Variants in TUBA8 observed in about 807,000 individuals in gnomAD.
The protein encoded by TUBA8 is tubulin alpha-8 chain.
In TUBA8, 29 loss-of-function variants were observed where a neutral mutation model predicts 34.7. The ratio of observed to expected loss-of-function variants is 0.84; its 90% CI spans 0.62 to 1.14. The LOEUF is 1.14. TUBA8 is among the 50% of genes most tolerant of loss of function. TUBA8 has a pLI of 0.00. For synonymous variants in TUBA8, 226 were observed against 231.2 expected, an observed-to-expected ratio of 0.98 and a Z score of 0.21; for missense variants, 541 against 599.2, an observed-to-expected ratio of 0.90 and a Z score of 1.01.
rs1264886136 is a variant in TUBA8, at chr22:18,131,203, G to A, written c.*67G>A. 6.5e-7 allele frequency: 1 copy of A among 1,537,724 alleles called. No homozygotes were observed. On this transcript the variant is annotated 3_prime_UTR_variant, in exon 5 of 5. Coordinates refer to ENST00000330423, the MANE Select transcript of TUBA8 (RefSeq NM_018943.3). The surrounding 1 kb of genome is among the most constrained non-coding windows in gnomAD (Gnocchi z 5.3). ...TGCCATTCAAAGCACATGTTCAAGAGAACAGAACACTCTCCCCGCCCCAGC... is the reference window on the plus strand; with the variant it reads ...TGCCATTCAAAGCACATGTTCAAGAAAACAGAACACTCTCCCCGCCCCAGC...
rs750623607 is a variant in TUBA8, at chr22:18,131,175, C to T, written c.*39C>T. The T allele has an allele frequency of 3.1e-6, 5 of 1,589,346 alleles. No individual in the cohort carries two copies. The South Asian group carries it at 4.4e-5, about 14-fold the overall frequency. Reference sequence around the variant, plus strand: ...CCTTGGCTGTGTCTCTTTATTTATGCTGTGCCATTCAAAGCACATGTTCAA... The same window carrying T: ...CCTTGGCTGTGTCTCTTTATTTATGTTGTGCCATTCAAAGCACATGTTCAA... On this transcript the variant is annotated 3_prime_UTR_variant, in exon 5 of 5. Transcript: ENST00000330423. This position sits in a 1 kb window ranked among gnomAD's most constrained non-coding sequence, Gnocchi z 5.3.
chr22:18,126,403 G>C lies in TUBA8; in HGVS notation c.425G>C (p.Gly142Ala), dbSNP rs200633622. 1.9e-6 allele frequency: 3 copies of C among 1,613,934 alleles called. No homozygotes were observed. The highest frequency in any genetic ancestry group is 2.5e-6 in the Non-Finnish European group (3 of 1,180,004). ...GGCTTCCTGATTTTCCACAGTTTTG[G>C]TGGGGGCACTGGCTCCGGCTTCACT... ...LQGFLIFHSF[G>A]GGTGSGFTSL... The change falls in exon 4 of 5, where the codon GGT (glycine) becomes GCT (alanine). Residue 142 changes from glycine to alanine, a missense_variant. Physicochemically the swap from Gly to Ala is moderately conservative, Grantham distance 60. Coordinates refer to ENST00000330423, the MANE Select transcript of TUBA8 (RefSeq NM_018943.3). This position sits in a 1 kb window ranked among gnomAD's most constrained non-coding sequence, Gnocchi z 4.0.
chr22:18,126,312 A>C lies in TUBA8; in HGVS notation c.376-42A>C. 1.2e-6 allele frequency: 2 copies of C among 1,605,452 alleles called. No individual in the cohort carries two copies. Among genetic ancestry groups the C allele is most frequent in the Non-Finnish European group, 1.7e-6 (2 of 1,172,374 alleles). On this transcript the variant is annotated intron_variant, in intron 3 of 4. Transcript: ENST00000330423. This position sits in a 1 kb window ranked among gnomAD's most constrained non-coding sequence, Gnocchi z 4.0. ...TTTTTTACTGTGGGGTGTTCTCGGA[A>C]ACTTGTCTTCATGATTTCTTCTCAT...
chr22:18,117,886 A>G (rs376162383), intron 1 of TUBA8: 7 of 151,370 alleles, frequency 4.6e-5, no homozygotes, highest in Admixed American at 2.0e-4. Context: ...TTTCTCTGAT[A>G]TCACTGAACT....
Position 18,126,931 on chromosome 22 carries a change from T to C in TUBA8, c.953T>C (p.Leu318Pro). 1 of 1,612,526 alleles carries C rather than the reference T, an allele frequency of 6.2e-7. No homozygotes were observed. The change falls in exon 4 of 5, where the codon CTC (leucine) becomes CCC (proline). Residue 318 changes from leucine to proline, a missense_variant. Leu to Pro is a moderately conservative substitution (Grantham distance 98). Transcript: ENST00000330423. This position sits in a 1 kb window ranked among gnomAD's most constrained non-coding sequence, Gnocchi z 4.0. ...GGCAAGTACATGGCCTGCTGCATGC[T>C]CTACCGGGGCGACGTGGTGCCCAAG... ...RHGKYMACCM[L>P]YRGDVVPKDV...
intron 2 of TUBA8, chr22:18,123,039 G>A (rs1435264597): frequency 2.1e-5 from 3 of 146,090 alleles, no homozygotes; most frequent in Non-Finnish European, 3.0e-5. Flanking sequence ...GAACCCGGGA[G>A]GCGGAGCTTG....
rs1928319415 is a variant in TUBA8 at position 18,126,396 on chromosome 22, A to C, written c.418A>C (p.Ser140Arg). ...CCTGCAGGGCTTCCTGATTTTCCAC[A>C]GTTTTGGTGGGGGCACTGGCTCCGG... ...SGLQGFLIFHSFGGGTGSGFT... is the reference protein window; with the variant it reads ...SGLQGFLIFHRFGGGTGSGFT... The change falls in exon 4 of 5, where the codon AGT (serine) becomes CGT (arginine). Residue 140 changes from serine to arginine, a missense_variant. Ser to Arg is a moderately radical substitution (Grantham distance 110). Coordinates refer to ENST00000330423, the MANE Select transcript of TUBA8 (RefSeq NM_018943.3). The surrounding 1 kb of genome is among the most constrained non-coding windows in gnomAD (Gnocchi z 4.0). 3 of 1,613,908 alleles carry C rather than the reference A, an allele frequency of 1.9e-6. No homozygotes were observed. Among genetic ancestry groups the C allele is most frequent in the Non-Finnish European group, 2.5e-6 (3 of 1,179,988 alleles).
chr22:18,117,855 C>T (rs768150263), intron 1 of TUBA8: 1 of 150,620 alleles, frequency 6.6e-6, no homozygotes, highest in Non-Finnish European at 1.5e-5. Flanking sequence ...TAGGATGTCT[C>T]ACCTTCTGGA....
intron 4 of TUBA8, chr22:18,127,385 G>A (rs1277600425): frequency 5.3e-6 from 1 of 188,552 alleles, no homozygotes; most frequent in Non-Finnish European, 1.1e-5. Context: ...TTTGCCTAAC[G>A]TTAGTTTTGT....
At chr22:18,128,361 C>T (rs1928402618) in intron 4 of TUBA8, 1 of 152,016 alleles carries the variant, frequency 6.6e-6, no homozygotes, top group African/African-American at 2.4e-5. Flanking sequence ...CCCTGGGGCC[C>T]CAGGACCAGG....
chr22:18,126,598 A>C lies in TUBA8; in HGVS notation c.620A>C (p.Glu207Ala). 1 of 1,614,108 alleles carries C rather than the reference A, an allele frequency of 6.2e-7. No homozygotes were observed. The highest frequency in any genetic ancestry group is 8.5e-7 in the Non-Finnish European group (1 of 1,180,016). Residue 207 changes from glutamate to alanine, a missense_variant, in exon 4 of 5, where the codon GAA becomes GCA. Physicochemically the swap from Glu to Ala is moderately radical, Grantham distance 107 (BLOSUM62 -1). Transcript: ENST00000330423. The surrounding 1 kb of genome is among the most constrained non-coding windows in gnomAD (Gnocchi z 4.0). Reference protein sequence around the residue: ...HSDCAFMVDNEAIYDICRRNL... With the variant: ...HSDCAFMVDNAAIYDICRRNL... ...GATTGTGCTTTCATGGTGGACAACGAAGCCATCTATGACATCTGCCGCAGG... is the reference window on the plus strand; with the variant it reads ...GATTGTGCTTTCATGGTGGACAACGCAGCCATCTATGACATCTGCCGCAGG...
In TUBA8 at chr22:18,131,415, C is replaced by G. The variant is rs1928511422; in HGVS notation, c.*279C>G. On this transcript the variant is annotated 3_prime_UTR_variant, in exon 5 of 5. Coordinates refer to ENST00000330423, the MANE Select transcript of TUBA8 (RefSeq NM_018943.3). The surrounding 1 kb of genome is among the most constrained non-coding windows in gnomAD (Gnocchi z 5.3). ...AGCCCAGTTTCACATGCGAGGAGGC[C>G]TAATCAGGAGTTTCAATTCCAGATC... 2.3e-6 allele frequency: 1 copy of G among 443,754 alleles called. No homozygotes were observed. The highest frequency in any genetic ancestry group is 4.5e-5 in the East Asian group (1 of 22,312). 27.5% of individuals were successfully genotyped at this position (443,754 alleles called of 1,614,324 possible).
rs755886374 is a variant in TUBA8 at position 18,121,652 on chromosome 22, G to A, written c.177G>A (p.Gly59=). 6.2e-7 allele frequency: 1 copy of A among 1,614,246 alleles called. No homozygotes were observed. The highest frequency in any genetic ancestry group is 1.7e-5 in the Admixed American group (1 of 60,032). ...CCTTTTTCAGCGAGACTGGCAATGGGAAGCATGTGCCCCGGGCCGTCATGA... is the reference window on the plus strand; with the variant it reads ...CCTTTTTCAGCGAGACTGGCAATGGAAAGCATGTGCCCCGGGCCGTCATGA... The part of the protein sequence containing the change: ...FTTFFSETGN[G]KHVPRAVMID... Residue 59 remains glycine (G), a synonymous_variant, in exon 2 of 5, where the codon GGG becomes GGA. Transcript: ENST00000330423. This position sits in a 1 kb window ranked among gnomAD's most constrained non-coding sequence, Gnocchi z 4.8.
Position 18,121,844 on chromosome 22 carries a change from A to C in TUBA8, c.226+143A>C. The C allele has an allele frequency of 1.3e-6, 1 of 748,970 alleles. No homozygotes were observed. Among genetic ancestry groups the C allele is most frequent in the Non-Finnish European group, 2.2e-6 (1 of 450,914 alleles). 46.4% of individuals were successfully genotyped at this position (748,970 alleles called of 1,614,324 possible). On this transcript the variant is annotated intron_variant, in intron 2 of 4. Transcript: ENST00000330423. This position sits in a 1 kb window ranked among gnomAD's most constrained non-coding sequence, Gnocchi z 4.8. ...CCTCCCACCCCACGTGACATCTGTC[A>C]GCTCCTTGGGGTCCCCACAGTCTCG...
In TUBA8 at chr22:18,126,126, C is replaced by G. The variant is rs966068771; in HGVS notation, c.376-228C>G. 5.3e-6 allele frequency: 3 copies of G among 564,690 alleles called. No individual in the cohort carries two copies. Among genetic ancestry groups the G allele is most frequent in the African/African-American group, 1.9e-5 (1 of 53,128 alleles). The allele number at this position is 564,690 out of a possible 1,614,324, so 35.0% of individuals were successfully genotyped here. A position where few individuals can be genotyped will look rare whatever the true frequency, so the allele number is the denominator to read the frequency against. ...GATCCTCCTGCCTCAGCTTCCCAAA[C>G]TGCTGGGATTACAGGCATTGAGTCA... is the stretch of plus-strand genomic sequence containing the variant. On this transcript the variant is annotated intron_variant, in intron 3 of 4. Transcript: ENST00000330423. The surrounding 1 kb of genome is among the most constrained non-coding windows in gnomAD (Gnocchi z 4.0).
chr22:18,121,458 G>T lies in TUBA8; in HGVS notation c.4-21G>T, dbSNP rs775496606. 6.2e-6 allele frequency: 10 copies of T among 1,610,252 alleles called. No homozygotes were observed. Among genetic ancestry groups the T allele is most frequent in the South Asian group, 5.5e-5 (5 of 91,002 alleles). On this transcript the variant is annotated intron_variant, in intron 1 of 4. Transcript: ENST00000330423. This position sits in a 1 kb window ranked among gnomAD's most constrained non-coding sequence, Gnocchi z 4.8. Reference sequence around the variant, plus strand: ...CTGGGGGCCCAGACTCTCTGACCTCGTTGCTTCCCTCTCCCCACAGCGGGA... The same window carrying T: ...CTGGGGGCCCAGACTCTCTGACCTCTTTGCTTCCCTCTCCCCACAGCGGGA...
At chr22:18,116,807 G>C (rs1267236039) in intron 1 of TUBA8, 1 of 152,330 alleles carries the variant, frequency 6.6e-6, no homozygotes, top group East Asian at 1.9e-4. Context: ...CAGTGCCTGA[G>C]CCGGGAGCTC....
At position 18,121,263 on chromosome 22, in the gene TUBA8, A is replaced by C; in HGVS notation, c.4-216A>C. On this transcript the variant is annotated intron_variant, in intron 1 of 4. Transcript: ENST00000330423. This position sits in a 1 kb window ranked among gnomAD's most constrained non-coding sequence, Gnocchi z 4.8. ...CTGGTATAAAAGGTCAACCCTGGGA[A>C]GCAACCTTTAGAGCAAAGCACAAAA... 1 of 579,700 alleles carries C rather than the reference A, an allele frequency of 1.7e-6. No individual in the cohort carries two copies. The highest frequency in any genetic ancestry group is 3.1e-6 in the Non-Finnish European group (1 of 320,146). The allele number at this position is 579,700 out of a possible 1,614,324, so 35.9% of individuals were successfully genotyped here.
chr22:18,121,582 T>C lies in TUBA8; in HGVS notation c.107T>C (p.Phe36Ser). 6.2e-7 allele frequency: 1 copy of C among 1,614,224 alleles called. No homozygotes were observed. The highest frequency in any genetic ancestry group is 1.3e-5 in the African/African-American group (1 of 75,056). The change falls in exon 2 of 5, where the codon TTT (phenylalanine) becomes TCT (serine). Residue 36 changes from phenylalanine to serine, a missense_variant. By Grantham distance (155) the Phe-to-Ser change is radical. Coordinates refer to ENST00000330423, the MANE Select transcript of TUBA8 (RefSeq NM_018943.3). This position sits in a 1 kb window ranked among gnomAD's most constrained non-coding sequence, Gnocchi z 4.8. The part of the protein sequence containing the change: ...LEHGIQADGT[F>S]DAQASKINDD... ...CACGGCATCCAGGCAGACGGCACTT[T>C]TGATGCTCAAGCTAGCAAGATCAAC...
Sources: gnomAD v4.1 joint callset for allele counts on GRCh38, gnomAD v4.1.1 for gene constraint, Gnocchi (gnomAD v3.1) non-coding constraint, MANE v1.5 for transcripts, NCBI Gene and HGNC (gene_info 2026-07-23, HGNC 2026-07-21) for gene names.